Variants in TRIM36 observed in about 807,000 individuals in gnomAD.
The protein encoded by TRIM36 is E3 ubiquitin-protein ligase TRIM36.
A neutral mutation model predicts 72.4 loss-of-function variants in TRIM36; 42 were observed. The ratio of observed to expected loss-of-function variants is 0.58; its 90% CI spans 0.45 to 0.75. The LOEUF (loss-of-function observed/expected upper bound fraction) is 0.75, where lower values mean the gene tolerates loss of function less well. Ranked by LOEUF, TRIM36 falls within the 30% of genes least tolerant of loss-of-function variation. The pLI is 0.00. For synonymous variants in TRIM36, 315 were observed against 282.8 expected, an observed-to-expected ratio of 1.11 and a Z score of -1.14; for missense variants, 913 against 857.1, an observed-to-expected ratio of 1.07 and a Z score of -0.81.
intron 2 of TRIM36, among the ~76,000 whole-genome samples, chr5:115,158,595 G>C (rs1754313360): frequency 6.6e-6 from 1 of 152,174 alleles, no homozygotes; most frequent in East Asian, 1.9e-4. Flanking sequence ...GGCTTTTGCT[G>C]TTTGGCAGTG....
intron 4 of TRIM36, among the ~76,000 whole-genome samples, chr5:115,143,266 C>T (rs1338862180): frequency 7.9e-6 from 1 of 126,296 alleles, no homozygotes; most frequent in Non-Finnish European, 1.7e-5. Flanking sequence ...TCTAAATTCA[C>T]AGGGCATTGA....
At chr5:115,159,652 A>G (rs1230852388) in intron 2 of TRIM36, 1 of 454,626 alleles carries the variant, frequency 2.2e-6, no homozygotes, top group Non-Finnish European at 4.4e-6. Context: ...TCTCCACCCC[A>G]CAGATCTCCG....
intron 2 of TRIM36, among the ~76,000 whole-genome samples, chr5:115,151,484 G>C (rs1371613794): frequency 2.0e-5 from 3 of 152,116 alleles, no homozygotes; most frequent in African/African-American, 7.2e-5. Flanking sequence ...AATCTTGGGA[G>C]TTCTAGGGCC....
chr5:115,144,138 A>G (rs1410295160), intron 4 of TRIM36, among the ~76,000 whole-genome samples: 1 of 151,964 alleles, frequency 6.6e-6, no homozygotes, highest in African/African-American at 2.4e-5. Context: ...CCTCCCAAAG[A>G]GCTGGGATTA....
At chr5:115,149,686 A>G (rs1753783721) in intron 2 of TRIM36, 1 of 150,460 alleles carries the variant, frequency 6.6e-6, no homozygotes, top group East Asian at 1.9e-4. Context: ...CTTAAATCAG[A>G]CATTAAATTA....
chr5:115,132,271 C>A (rs550641084), intron 8 of TRIM36, among the ~76,000 whole-genome samples: 101 of 151,438 alleles, frequency 6.7e-4, no homozygotes, highest in African/African-American at 2.3e-3. Flanking sequence ...TGGTGGCTCA[C>A]GTCTATAATT....
chr5:115,146,939 A>G (rs1753626583), intron 3 of TRIM36, 130 bp downstream of exon 3: 2 of 997,246 alleles, frequency 2.0e-6, no homozygotes, highest in South Asian at 1.8e-5. Context: ...AAGTTCTTAT[A>G]CCTGCTTTTA....
chr5:115,149,859 C>T lies in TRIM36; in HGVS notation c.263-2465G>A, dbSNP rs1311714439. ...CTGCAAGCTCCGCCTCCCGGGTTCACGCCATTCTCCTGCCTCAGCCTCCCG... is the reference window on the plus strand; with the variant it reads ...CTGCAAGCTCCGCCTCCCGGGTTCATGCCATTCTCCTGCCTCAGCCTCCCG... On this transcript the variant is annotated intron_variant, in intron 2 of 9. Coordinates refer to ENST00000513154, the MANE Select transcript of TRIM36 (RefSeq NM_001300759.2). Among the ~76,000 whole-genome samples the T allele has an allele frequency of 4.6e-5, 7 of 152,050 alleles. No homozygotes were observed. The East Asian group carries it at 5.8e-4, about 13-fold the overall frequency.
intron 5 of TRIM36, 90 bp from the exon 6 acceptor site, chr5:115,137,706 A>G (rs940301424): frequency 3.7e-6 from 5 of 1,358,422 alleles, no homozygotes; most frequent in Non-Finnish European, 3.9e-6. Context: ...AAAGTTCTAC[A>G]TAATTACATT....
chr5:115,152,373 C>A (rs559725844), intron 2 of TRIM36, among the ~76,000 whole-genome samples: 1 of 152,056 alleles, frequency 6.6e-6, no homozygotes, highest in Non-Finnish European at 1.5e-5. Context: ...CCTGGGATTA[C>A]GTTAAATGAC....
chr5:115,170,918 C>A (rs1561450532), upstream of TRIM36, among the ~76,000 whole-genome samples: 1 of 152,262 alleles, frequency 6.6e-6, no homozygotes, highest in Non-Finnish European at 1.5e-5. Flanking sequence ...TCACCTGCCA[C>A]GGCCCAAGTG....
intron 2 of TRIM36, among the ~76,000 whole-genome samples, chr5:115,161,451 T>C (rs1754476785): frequency 6.6e-6 from 1 of 152,204 alleles, no homozygotes; most frequent in South Asian, 2.1e-4. Flanking sequence ...AAACAAAGTC[T>C]TCAGATACTG....
Position 115,138,543 on chromosome 5 carries a change from T to C in TRIM36, c.832-927A>G, listed in dbSNP as rs192725046. Among the ~76,000 whole-genome samples, 6 of 152,268 alleles carry C rather than the reference T, an allele frequency of 3.9e-5. No homozygotes were observed. The East Asian group carries it at 1.2e-3, about 29-fold the overall frequency. On this transcript the variant is annotated intron_variant, in intron 5 of 9. Coordinates refer to ENST00000513154, the MANE Select transcript of TRIM36 (RefSeq NM_001300759.2). ...ATATGCTAATCATTTCACTTCTCTTTCTGTTTTTTCTCTTCTGAAAATAGG... is the reference window on the plus strand; with the variant it reads ...ATATGCTAATCATTTCACTTCTCTTCCTGTTTTTTCTCTTCTGAAAATAGG...
intron 1 of TRIM36, among the ~76,000 whole-genome samples, chr5:115,178,249 A>C (rs964695256): frequency 6.6e-6 from 1 of 152,170 alleles, no homozygotes; most frequent in East Asian, 1.9e-4. Context: ...ATAGGACAAA[A>C]TTCACCTATC....
intron 2 of TRIM36, chr5:115,149,729 G>C (rs1475257322): frequency 2.7e-5 from 4 of 147,708 alleles, no homozygotes; most frequent in African/African-American, 5.0e-5. Flanking sequence ...CGTCCAAATA[G>C]ATATCTTGGC....
At chr5:115,134,963 C>T (rs1275791988) in intron 7 of TRIM36, among the ~76,000 whole-genome samples, 2 of 152,174 alleles carry the variant, frequency 1.3e-5, no homozygotes, top group Non-Finnish European at 2.9e-5. Flanking sequence ...GAAAAATACA[C>T]ATTAAAAGAT....
chr5:115,140,680 C>T (rs893734927), intron 5 of TRIM36, among the ~76,000 whole-genome samples: 6 of 152,084 alleles, frequency 3.9e-5, no homozygotes, highest in East Asian at 1.9e-4. Context: ...TTGTATCTGG[C>T]GCCTTCCTGT....
Position 115,142,825 on chromosome 5 carries a change from C to G in TRIM36, c.736-1451G>C, listed in dbSNP as rs966758214. On this transcript the variant is annotated intron_variant, in intron 4 of 9. Coordinates refer to ENST00000513154, the MANE Select transcript of TRIM36 (RefSeq NM_001300759.2). Reference sequence around the variant, plus strand: ...TAACTCCTTTAGATAAATCAGGACCCCAGTTCTTTAGGAACTAATCAGAGG... The same window carrying G: ...TAACTCCTTTAGATAAATCAGGACCGCAGTTCTTTAGGAACTAATCAGAGG... 1.1e-4 allele frequency among the ~76,000 whole-genome samples: 17 copies of G among 152,124 alleles called. No individual in the cohort carries two copies. In the East Asian group the frequency reaches 3.3e-3, roughly 29 times the overall value.
At chr5:115,147,015 G>A in intron 3 of TRIM36, 54 bp downstream of exon 3, 2 of 1,446,738 alleles carry the variant, frequency 1.4e-6, no homozygotes, top group East Asian at 4.9e-5. Flanking sequence ...GTACATAAAA[G>A]TTTCATAACA....
Sources: gnomAD v4.1 joint callset for allele counts (sites outside exome capture counted in the v4.1 genomes callset) on GRCh38, gnomAD v4.1.1 for gene constraint, MANE v1.5 for transcripts, NCBI Gene and HGNC (gene_info 2026-07-23, HGNC 2026-07-21) for gene names.